Variants in PDXK observed in about 807,000 individuals in gnomAD.
PDXK encodes pyridoxal kinase.
In PDXK, 15 loss-of-function variants were observed where a neutral mutation model predicts 43.2. That is an observed-to-expected ratio of 0.35 (90% CI 0.23 to 0.53). The LOEUF (loss-of-function observed/expected upper bound fraction) is 0.53, where lower values mean the gene tolerates loss of function less well. Ranked by LOEUF, PDXK falls within the 20% of genes least tolerant of loss-of-function variation. PDXK has a pLI of 0.92. For synonymous variants in PDXK, 172 were observed against 165.4 expected, an observed-to-expected ratio of 1.04 and a Z score of -0.31; for missense variants, 343 against 417.0, an observed-to-expected ratio of 0.82 and a Z score of 1.54.
At chr21:43,748,720 C>G (rs1406420108) in intron 5 of PDXK, among the ~76,000 whole-genome samples, 1 of 152,218 alleles carries the variant, frequency 6.6e-6, no homozygotes, top group East Asian at 1.9e-4. Flanking sequence ...CCTTCACCTC[C>G]TTCTCCTCCC....
chr21:43,753,194 G>A (rs762794611), intron 8 of PDXK, among the ~76,000 whole-genome samples: 19 of 151,824 alleles, frequency 1.3e-4, no homozygotes, highest in African/African-American at 2.2e-4. Context: ...ACATACACAC[G>A]GGCACACACA....
rs2329595 is a variant in PDXK at position 43,723,040 on chromosome 21, G to C, written c.87+3659G>C. Among the ~76,000 whole-genome samples the C allele has an allele frequency of 6.6e-6, 1 of 151,514 alleles. No individual in the cohort carries two copies. Among genetic ancestry groups the C allele is most frequent in the Non-Finnish European group, 1.5e-5 (1 of 67,868 alleles). On this transcript the variant is annotated intron_variant, in intron 1 of 10. Transcript: ENST00000291565. This position sits in a 1 kb window ranked among gnomAD's most constrained non-coding sequence, Gnocchi z 4.1. ...TTTTTAGTAGAGACGGGGTTTCACC[G>C]TGTTAGCCAGGATGGTCTCAATCTC...
rs1019239809 is a variant in PDXK, at chr21:43,732,050, G to C, written c.88-2019G>C. The stretch of plus-strand genomic sequence containing the variant: ...CAAAGTGGATTCCGCTGCTGCTATG[G>C]GAAGGGACGGTCACTACCGCTGCCC... On this transcript the variant is annotated intron_variant, in intron 1 of 10. Coordinates refer to ENST00000291565, the MANE Select transcript of PDXK (RefSeq NM_003681.5). This position sits in a 1 kb window ranked among gnomAD's most constrained non-coding sequence, Gnocchi z 4.1. The C allele has an allele frequency of 1.4e-6, 1 of 721,912 alleles. No individual in the cohort carries two copies. The allele number at this position is 721,912 out of a possible 1,614,324, so 44.7% of individuals were successfully genotyped here. A position where few individuals can be genotyped will look rare whatever the true frequency, so the allele number is the denominator to read the frequency against.
In PDXK at chr21:43,754,031, G is replaced by A. The variant is rs775539867; in HGVS notation, c.759+312G>A. 7.9e-5 allele frequency among the ~76,000 whole-genome samples: 12 copies of A among 152,250 alleles called. No homozygotes were observed. The highest frequency in any genetic ancestry group is 1.5e-4 in the Non-Finnish European group (10 of 68,044). On this transcript the variant is annotated intron_variant, in intron 9 of 10. Transcript: ENST00000291565. The surrounding 1 kb of genome is among the most constrained non-coding windows in gnomAD (Gnocchi z 5.5). ...CAGATGCCACCCGCTTGGCGTTGGCGCAGGGCTGTGGGATGCATGGAGCTG... is the reference window on the plus strand; with the variant it reads ...CAGATGCCACCCGCTTGGCGTTGGCACAGGGCTGTGGGATGCATGGAGCTG...
At chr21:43,741,970 G>A (rs2083542226) in intron 3 of PDXK, among the ~76,000 whole-genome samples, 199 bp downstream of exon 3, 2 of 152,050 alleles carry the variant, frequency 1.3e-5, no homozygotes, top group Non-Finnish European at 2.9e-5. Context: ...CCGGGACAAT[G>A]ACTGCCCAGG....
chr21:43,737,583 G>GCCCTGCTGCTGGGCTTGGTGGT lies in PDXK; in HGVS notation c.142+3470_142+3491dup, dbSNP rs2083426448. The GCCCTGCTGCTGGGCTTGGTGGT allele has an allele frequency of 1.0e-6, 1 of 992,940 alleles. No individual in the cohort carries two copies. Among genetic ancestry groups the GCCCTGCTGCTGGGCTTGGTGGT allele is most frequent in the African/African-American group, 1.8e-5 (1 of 56,018 alleles). The allele number at this position is 992,940 out of a possible 1,614,324, so 61.5% of individuals were successfully genotyped here. On this transcript the variant is annotated intron_variant, in intron 2 of 10. Transcript: ENST00000291565. The surrounding 1 kb of genome is among the most constrained non-coding windows in gnomAD (Gnocchi z 4.8). Reference sequence around the variant, plus strand: ...TAGAGCCAGAGGGGATGGGACAGGTGCCCTGCTGCTGGGCTTGGTGGTCCC... The same window carrying GCCCTGCTGCTGGGCTTGGTGGT: ...TAGAGCCAGAGGGGATGGGACAGGTGCCCTGCTGCTGGGCTTGGTGGTCCCTGCTGCTGGGCTTGGTGGTCCC...
At chr21:43,736,065 C>T (rs1221761528) in intron 2 of PDXK, among the ~76,000 whole-genome samples, 1 of 152,250 alleles carries the variant, frequency 6.6e-6, no homozygotes, top group Non-Finnish European at 1.5e-5. Context: ...ATGACACTGT[C>T]TGTTCTGCAG....
At chr21:43,729,069 G>T (rs1357484398) in intron 1 of PDXK, 1 of 800,862 alleles carries the variant, frequency 1.2e-6, no homozygotes, top group Non-Finnish European at 1.4e-6. Context: ...CCCCCACCCC[G>T]CACCCGCCCG....
intron 2 of PDXK, chr21:43,738,033 A>C (rs1039970434): frequency 1.0e-6 from 1 of 985,360 alleles, no homozygotes; most frequent in African/African-American, 1.7e-5. Context: ...GACCCGGCCA[A>C]GTGCTGGACG....
chr21:43,747,527 G>T (rs1254634752), intron 5 of PDXK, among the ~76,000 whole-genome samples: 1 of 152,236 alleles, frequency 6.6e-6, no homozygotes, highest in South Asian at 2.1e-4. Context: ...GGGCGGGCTG[G>T]TGTGCTCAGC....
Position 43,737,842 on chromosome 21 carries a change from T to C in PDXK, c.142+3719T>C. On this transcript the variant is annotated intron_variant, in intron 2 of 10. Transcript: ENST00000291565. The surrounding 1 kb of genome is among the most constrained non-coding windows in gnomAD (Gnocchi z 4.8). ...CCGCTTGTTTGCCTGTGCTTTTTCA[T>C]CTGTAAATGGAATGAGTTGGACACA... 1.0e-6 allele frequency: 1 copy of C among 985,464 alleles called. No homozygotes were observed. Among genetic ancestry groups the C allele is most frequent in the Non-Finnish European group, 1.2e-6 (1 of 829,948 alleles). 61.0% of individuals were successfully genotyped at this position (985,464 alleles called of 1,614,324 possible).
In PDXK at chr21:43,756,074, G is replaced by A. The variant is rs369876857; in HGVS notation, c.*11G>A. 2.0e-5 allele frequency: 30 copies of A among 1,528,028 alleles called. 1 individual carries two copies. Among genetic ancestry groups the A allele is most frequent in the South Asian group, 1.8e-4 (16 of 88,024 alleles). The allele number at this position is 1,528,028 out of a possible 1,614,324, so 94.7% of individuals were successfully genotyped here. ...GCCACGGTGCTGTGAGGGCCCCGCC[G>A]CTTGCCCGTGACACGCAGCGCGTTG... On this transcript the variant is annotated 3_prime_UTR_variant, in exon 11 of 11. Coordinates refer to ENST00000291565, the MANE Select transcript of PDXK (RefSeq NM_003681.5).
At chr21:43,719,538 T>C in intron 1 of PDXK, 157 bp downstream of exon 1, 1 of 953,424 alleles carries the variant, frequency 1.0e-6, no homozygotes, top group South Asian at 4.8e-5. Context: ...AGCCTCCCGC[T>C]CTGCTTGGCT....
intron 2 of PDXK, among the ~76,000 whole-genome samples, chr21:43,740,822 A>C (rs2083486561): frequency 6.6e-6 from 1 of 151,328 alleles, no homozygotes; most frequent in Non-Finnish European, 1.5e-5. Flanking sequence ...CTCTAATTGC[A>C]CCTTAATAAG....
intron 5 of PDXK, among the ~76,000 whole-genome samples, chr21:43,747,438 GC>G (rs1371916358): frequency 1.3e-5 from 2 of 152,272 alleles, no homozygotes; most frequent in Non-Finnish European, 2.9e-5. Context: ...CACAGGGCAC[GC>G]CTGGGCCTGT....
intron 1 of PDXK, among the ~76,000 whole-genome samples, chr21:43,720,890 T>C (rs1433902464): frequency 2.0e-5 from 3 of 152,194 alleles, no homozygotes; most frequent in African/African-American, 7.2e-5. Flanking sequence ...TCCTACTTCA[T>C]TGGGCAAACT....
intron 1 of PDXK, among the ~76,000 whole-genome samples, chr21:43,726,808 GGTGT>G (rs924556508): frequency 6.6e-6 from 1 of 152,042 alleles, no homozygotes; most frequent in Middle Eastern, 3.2e-3. Context: ...GTGTGTACGT[GGTGT>G]GTTTGTGTAC....
rs1079268 is a variant in PDXK at position 43,750,699 on chromosome 21, A to G, written c.510+154A>G. Among the ~76,000 whole-genome samples the G allele has an allele frequency of 0.21, 31,313 of 152,048 alleles. 3,582 individuals carry two copies. The highest frequency in any genetic ancestry group is 0.26 in the Non-Finnish European group (17,966 of 67,958). Reference sequence around the variant, plus strand: ...GGGCCTCCAGAGATCAGCAGGATATATGTGTGTGTGTACATGTGTGGACAT... The same window carrying G: ...GGGCCTCCAGAGATCAGCAGGATATGTGTGTGTGTGTACATGTGTGGACAT... On this transcript the variant is annotated intron_variant, in intron 7 of 10. Transcript: ENST00000291565.
At position 43,754,230 on chromosome 21, in the gene PDXK, G is replaced by C. The variant is rs1279749406; in HGVS notation, c.759+511G>C. ...GCAGGTGTGGAGAGCCGTCTTTCTG[G>C]GCGTTTTGTCTGGATGTCTGCCTGC... On this transcript the variant is annotated intron_variant, in intron 9 of 10. Coordinates refer to ENST00000291565, the MANE Select transcript of PDXK (RefSeq NM_003681.5). This position sits in a 1 kb window ranked among gnomAD's most constrained non-coding sequence, Gnocchi z 5.5. Among the ~76,000 whole-genome samples the C allele has an allele frequency of 6.6e-6, 1 of 152,188 alleles. No individual in the cohort carries two copies. The highest frequency in any genetic ancestry group is 2.4e-5 in the African/African-American group (1 of 41,432).
Sources: allele counts gnomAD v4.1 joint callset (sites outside exome capture counted in the v4.1 genomes callset), GRCh38; gene constraint gnomAD v4.1.1; non-coding constraint Gnocchi (gnomAD v3.1); transcripts MANE v1.5; gene names NCBI Gene and HGNC (gene_info 2026-07-23, HGNC 2026-07-21).